The following MTRFR variants were observed in gnomAD, a reference collection of about 807,000 sequenced individuals.
MTRFR encodes the protein probable peptide chain release factor C12orf65, mitochondrial.
MTRFR carries 10 observed loss-of-function variants against 11.9 expected under a neutral mutation model. The observed-to-expected ratio is 0.84, with a 90% CI of 0.52 to 1.42. The LOEUF is 1.42. Ranked by LOEUF, MTRFR falls within the 40% of genes most tolerant of loss-of-function variation. The pLI, the probability that MTRFR is intolerant of heterozygous loss-of-function variation, is 0.00. For missense variants in MTRFR, 196 were observed against 197.9 expected, an observed-to-expected ratio of 0.99 and a Z score of 0.06; for synonymous variants, 77 against 79.1, an observed-to-expected ratio of 0.97 and a Z score of 0.14.
intron 2 of MTRFR, among the ~76,000 whole-genome samples, chr12:123,255,432 A>G (rs747165866): frequency 2.2e-4 from 33 of 152,240 alleles, no homozygotes; most frequent in Non-Finnish European, 3.1e-4. Flanking sequence ...TGCTTTCAGA[A>G]TTATTCTTTA....
At chr12:123,239,678 A>G (rs2047900829) in intron 1 of MTRFR, among the ~76,000 whole-genome samples, 1 of 152,152 alleles carries the variant, frequency 6.6e-6, no homozygotes, top group South Asian at 2.1e-4. Flanking sequence ...CTGGGATTAC[A>G]GGCGTGAGCT....
intron 1 of MTRFR, 29 bp from the exon 2 acceptor site, chr12:123,253,618 T>C (rs1212879002): frequency 1.2e-6 from 2 of 1,609,268 alleles, no homozygotes; most frequent in Admixed American, 3.3e-5. Flanking sequence ...TGCCTCTTAC[T>C]GAAAGCTCTC....
chr12:123,239,552 G>A (rs1051030124), intron 1 of MTRFR, among the ~76,000 whole-genome samples: 1 of 152,034 alleles, frequency 6.6e-6, no homozygotes, highest in Non-Finnish European at 1.5e-5. Context: ...ACAGCTACGT[G>A]CAACCATGCC....
intron 1 of MTRFR, among the ~76,000 whole-genome samples, chr12:123,235,306 C>G (rs1324388923): frequency 6.6e-6 from 1 of 152,116 alleles, no homozygotes; most frequent in African/African-American, 2.4e-5. Context: ...CTGTTGGCCA[C>G]AGAGCTCGCA....
intron 1 of MTRFR, among the ~76,000 whole-genome samples, chr12:123,243,357 C>T (rs574584502): frequency 2.0e-5 from 3 of 152,128 alleles, no homozygotes; most frequent in Admixed American, 6.6e-5. Context: ...GGCAAAACCC[C>T]GTCTCTACTA....
At chr12:123,236,101 T>G (rs2047846293) in intron 1 of MTRFR, among the ~76,000 whole-genome samples, 1 of 151,838 alleles carries the variant, frequency 6.6e-6, no homozygotes, top group African/African-American at 2.4e-5. Flanking sequence ...CAGAAAAAGT[T>G]AAGGAAAAGG....
chr12:123,243,614 A>G (rs1243232489), intron 1 of MTRFR, among the ~76,000 whole-genome samples: 2 of 151,930 alleles, frequency 1.3e-5, no homozygotes, highest in African/African-American at 2.4e-5. Flanking sequence ...CTGAGGCAGG[A>G]GAATCACTTG....
chr12:123,239,174 T>C (rs1274614633), intron 1 of MTRFR, among the ~76,000 whole-genome samples: 1 of 151,992 alleles, frequency 6.6e-6, no homozygotes, highest in Non-Finnish European at 1.5e-5. Context: ...GAGGCTGCGG[T>C]GAGAGGATGG....
intron 1 of MTRFR, among the ~76,000 whole-genome samples, chr12:123,239,649 G>T (rs531042482): frequency 2.0e-5 from 3 of 152,110 alleles, no homozygotes; most frequent in African/African-American, 7.2e-5. Flanking sequence ...TGATCTGCCC[G>T]CCTTGGCCTC....
intron 2 of MTRFR, among the ~76,000 whole-genome samples, chr12:123,256,370 G>A (rs1009111291): frequency 1.3e-5 from 2 of 152,198 alleles, no homozygotes; most frequent in Non-Finnish European, 2.9e-5. Flanking sequence ...AATACAGCAA[G>A]GGTATGGGAC....
At chr12:123,246,878 A>G (rs2048050957) in intron 1 of MTRFR, among the ~76,000 whole-genome samples, 1 of 151,504 alleles carries the variant, frequency 6.6e-6, no homozygotes, top group Admixed American at 6.6e-5. Context: ...CTACAGGCAC[A>G]CACCACCACG....
intron 1 of MTRFR, among the ~76,000 whole-genome samples, chr12:123,243,332 C>T (rs2047974955): frequency 6.6e-6 from 1 of 151,760 alleles, no homozygotes. Flanking sequence ...AAATCGAGAA[C>T]AGCCTGGCTA....
At chr12:123,248,042 T>C (rs1242946615) in intron 1 of MTRFR, among the ~76,000 whole-genome samples, 1 of 152,192 alleles carries the variant, frequency 6.6e-6, no homozygotes. Flanking sequence ...TTTTAACTTG[T>C]ATTTTTGTTT....
chr12:123,243,048 T>TAA (rs1347717693), intron 1 of MTRFR, among the ~76,000 whole-genome samples: 2 of 152,226 alleles, frequency 1.3e-5, no homozygotes, highest in East Asian at 3.8e-4. Context: ...AGGTGATTCT[T>TAA]AGAGAGAGTT....
chr12:123,251,510 C>T (rs2048111092), intron 1 of MTRFR: 1 of 152,320 alleles, frequency 6.6e-6, no homozygotes, highest in African/African-American at 2.4e-5. Flanking sequence ...CTCCCACGGC[C>T]TTTCTGCTGC....
At position 123,257,262 on chromosome 12, in the gene MTRFR, C is replaced by A; in HGVS notation, c.*231C>A. ...GTGGACGGTGCCTCACATCTGTAAT[C>A]CCAGCACTTTGGGAGGCCGAGGCGG... is the stretch of plus-strand genomic sequence containing the variant. On this transcript the variant is annotated 3_prime_UTR_variant, in exon 3 of 3. Transcript: ENST00000253233. 1 of 483,676 alleles carries A rather than the reference C, an allele frequency of 2.1e-6. No homozygotes were observed. The highest frequency in any genetic ancestry group is 2.3e-5 in the South Asian group (1 of 43,648). The allele number at this position is 483,676 out of a possible 1,614,324, so 30.0% of individuals were successfully genotyped here.
At chr12:123,248,971 C>CAG (rs74203511) in intron 1 of MTRFR, 89,085 of 151,170 alleles carry the variant, frequency 0.59, 30,625 homozygotes, top group Non-Finnish European at 0.75. Flanking sequence ...TAGCTAGACA[C>CAG]AGCACTGATT....
chr12:123,244,989 C>CAA (rs1565994120), intron 1 of MTRFR, among the ~76,000 whole-genome samples: 1 of 127,836 alleles, frequency 7.8e-6, no homozygotes, highest in Non-Finnish European at 1.6e-5. Context: ...GTCACCCAGG[C>CAA]AAGAGTGCAG....
rs565288358 is a variant in MTRFR at position 123,251,771 on chromosome 12, T to G, written c.-28-1876T>G. On this transcript the variant is annotated intron_variant, in intron 1 of 2. Coordinates refer to ENST00000253233, the MANE Select transcript of MTRFR (RefSeq NM_152269.5). ...AGGATTGCTGGTTTGTTCTTGCAGT[T>G]GATCTAGAGCTAAAATTCACAATGC... Among the ~76,000 whole-genome samples the G allele has an allele frequency of 4.5e-4, 68 of 152,330 alleles. 1 individual carries two copies. In the South Asian group the frequency reaches 0.012, roughly 26 times the overall value.
Sources: gnomAD v4.1 joint callset for allele counts (sites outside exome capture counted in the v4.1 genomes callset) on GRCh38, gnomAD v4.1.1 for gene constraint, MANE v1.5 for transcripts, NCBI Gene and HGNC (gene_info 2026-07-23, HGNC 2026-07-21) for gene names.